Variants in ULK4 observed in about 807,000 individuals in gnomAD.
ULK4 encodes inactive serine/threonine-protein kinase ULK4.
Under a neutral mutation model 160.6 loss-of-function variants are expected in ULK4, and 133 were observed. That is an observed-to-expected ratio of 0.83 (90% confidence interval 0.72 to 0.96). The LOEUF (loss-of-function observed/expected upper bound fraction) is 0.96, where lower values mean the gene tolerates loss of function less well. Among genes scored for constraint, ULK4 ranks in the 40% least tolerant of loss-of-function variants. The probability of loss-of-function intolerance (pLI) is 0.00; values close to 1 mark genes in which losing one functional copy is unlikely to be tolerated. For synonymous variants in ULK4, 534 were observed against 539.8 expected, an observed-to-expected ratio of 0.99 and a Z score of 0.15; for missense variants, 1,580 against 1,499.5, an observed-to-expected ratio of 1.05 and a Z score of -0.89.
intron 32 of ULK4, among the ~76,000 whole-genome samples, chr3:41,548,903 A>G (rs1360335259): frequency 6.6e-6 from 1 of 152,056 alleles, no homozygotes; most frequent in Non-Finnish European, 1.5e-5. Context: ...ACCATATCCT[A>G]AGCCACAGAG....
chr3:41,344,013 T>A (rs978226219), intron 35 of ULK4, among the ~76,000 whole-genome samples: 2 of 152,112 alleles, frequency 1.3e-5, no homozygotes, highest in African/African-American at 4.8e-5. Flanking sequence ...AGAACCCAAA[T>A]AGCCAAAACA....
At chr3:41,825,200 C>T (rs1050078112) in intron 18 of ULK4, among the ~76,000 whole-genome samples, 11 of 139,604 alleles carry the variant, frequency 7.9e-5, no homozygotes, top group Non-Finnish European at 1.5e-4. Context: ...TAGATAAAAC[C>T]ACAAAGATGG....
intron 17 of ULK4, among the ~76,000 whole-genome samples, chr3:41,846,126 C>T (rs1291522802): frequency 6.6e-6 from 1 of 152,138 alleles, no homozygotes; most frequent in Admixed American, 6.5e-5. Flanking sequence ...TCCAGTAATG[C>T]CACAGCAACC....
intron 31 of ULK4, among the ~76,000 whole-genome samples, chr3:41,571,619 C>A (rs1433952628): frequency 6.6e-6 from 1 of 152,080 alleles, no homozygotes. Context: ...TGGAAAGAGA[C>A]AAGGGCACGC....
intron 32 of ULK4, among the ~76,000 whole-genome samples, chr3:41,550,127 G>T (rs1334922486): frequency 6.6e-6 from 1 of 151,950 alleles, no homozygotes; most frequent in South Asian, 2.1e-4. Flanking sequence ...CCTACTGGTA[G>T]AGCAAACAAA....
chr3:41,359,321 A>T (rs2081085735), intron 35 of ULK4, among the ~76,000 whole-genome samples: 1 of 152,224 alleles, frequency 6.6e-6, no homozygotes, highest in African/African-American at 2.4e-5. Flanking sequence ...AACTGTAAAG[A>T]TGATAGAAAA....
In ULK4 at chr3:41,366,573, A is replaced by ACACACACACT. The variant is rs4016417; in HGVS notation, c.3678+31505_3678+31506insAGTGTGTGTG. ...TACACACACACACACACACACACAC[A>ACACACACACT]CTTTATCTATATACCTATTATGTAT... On this transcript the variant is annotated intron_variant, in intron 35 of 36. Transcript: ENST00000301831. Among the ~76,000 whole-genome samples the ACACACACACT allele has an allele frequency of 2.3e-3, 344 of 151,550 alleles. 2 individuals are homozygous for ACACACACACT. The highest frequency in any genetic ancestry group is 0.013 in the East Asian group (67 of 5,144).
intron 32 of ULK4, among the ~76,000 whole-genome samples, chr3:41,530,068 T>C (rs1052382006): frequency 6.6e-6 from 1 of 152,176 alleles, no homozygotes; most frequent in African/African-American, 2.4e-5. Flanking sequence ...CACAACCTCG[T>C]GAATATACTA....
intron 17 of ULK4, among the ~76,000 whole-genome samples, chr3:41,837,772 G>A (rs1290344614): frequency 2.0e-5 from 3 of 151,932 alleles, no homozygotes; most frequent in Admixed American, 6.6e-5. Flanking sequence ...TGTTGGCCCG[G>A]GTAGTTTCGA....
At chr3:41,826,356 A>C (rs978317607) in intron 18 of ULK4, among the ~76,000 whole-genome samples, 1 of 152,228 alleles carries the variant, frequency 6.6e-6, no homozygotes. Flanking sequence ...TAGAAGACAC[A>C]GACTGGCAAA....
intron 32 of ULK4, among the ~76,000 whole-genome samples, chr3:41,485,170 T>C (rs773765607): frequency 1.4e-4 from 21 of 152,220 alleles, no homozygotes; most frequent in Non-Finnish European, 2.9e-4. Context: ...CAAGACCATG[T>C]GGCTCCATGG....
intron 31 of ULK4, among the ~76,000 whole-genome samples, chr3:41,569,696 G>C (rs1173819507): frequency 6.6e-6 from 1 of 151,986 alleles, no homozygotes. Flanking sequence ...TTTACACCGT[G>C]TCCTCTCTCT....
intron 32 of ULK4, among the ~76,000 whole-genome samples, chr3:41,533,128 C>G (rs182944460): frequency 3.7e-4 from 56 of 152,232 alleles, no homozygotes; most frequent in African/African-American, 1.2e-3. Flanking sequence ...ACTGAGGCTC[C>G]CAGTATGTGA....
At chr3:41,690,334 T>C (rs2036253920) in intron 27 of ULK4, among the ~76,000 whole-genome samples, 1 of 151,378 alleles carries the variant, frequency 6.6e-6, no homozygotes, top group Non-Finnish European at 1.5e-5. Flanking sequence ...GAGATATACC[T>C]AATGCTAAAT....
intron 21 of ULK4, among the ~76,000 whole-genome samples, chr3:41,785,469 TA>T: frequency 6.6e-6 from 1 of 152,340 alleles, no homozygotes; most frequent in Middle Eastern, 3.4e-3. Context: ...TAGAGTCTTC[TA>T]AGTTTTCTGT....
intron 29 of ULK4, among the ~76,000 whole-genome samples, chr3:41,667,349 G>A (rs1234452733): frequency 6.6e-6 from 1 of 152,016 alleles, no homozygotes; most frequent in African/African-American, 2.4e-5. Context: ...AAAAATGAAG[G>A]GCAAAATTCA....
chr3:41,278,657 AG>A (rs2079279621), intron 35 of ULK4, among the ~76,000 whole-genome samples: 1 of 152,200 alleles, frequency 6.6e-6, no homozygotes, highest in African/African-American at 2.4e-5. Flanking sequence ...CCAGGCAAAA[AG>A]GGTCTGGAGT....
At chr3:41,552,194 C>T (rs2087094965) in intron 32 of ULK4, among the ~76,000 whole-genome samples, 1 of 151,964 alleles carries the variant, frequency 6.6e-6, no homozygotes, top group Non-Finnish European at 1.5e-5. Context: ...CCTCTAAGAA[C>T]TGGAACAAGA....
chr3:41,903,159 T>C (rs2148794493), intron 12 of ULK4, among the ~76,000 whole-genome samples: 1 of 152,318 alleles, frequency 6.6e-6, no homozygotes, highest in African/African-American at 2.4e-5. Context: ...GAGGAACTGC[T>C]AGTAAATTAT....
Sources: gnomAD v4.1 joint callset for allele counts (sites outside exome capture counted in the v4.1 genomes callset) on GRCh38, gnomAD v4.1.1 for gene constraint, MANE v1.5 for transcripts, NCBI Gene and HGNC (gene_info 2026-07-23, HGNC 2026-07-21) for gene names.